NRXN3: variants seen among roughly 807,000 people sequenced by gnomAD.
NRXN3 encodes neurexin 3.
NRXN3 carries 32 observed loss-of-function variants against 137.6 expected under a neutral mutation model. That is an observed-to-expected ratio of 0.23 (90% CI 0.18 to 0.31). NRXN3 has a LOEUF of 0.31. NRXN3 is among the 10% of genes least tolerant of loss of function. The probability of loss-of-function intolerance (pLI) is 1.00; values close to 1 mark genes in which losing one functional copy is unlikely to be tolerated. For synonymous variants in NRXN3, 798 were observed against 784.5 expected (o/e 1.02, Z -0.29); for missense variants, 1,574 against 2,062.5 (o/e 0.76, Z 4.59).
chr14:79,080,955 C>T (rs559420172), intron 15 of NRXN3, among the ~76,000 whole-genome samples: 15 of 152,218 alleles, frequency 9.9e-5, no homozygotes, highest in South Asian at 2.1e-4. Flanking sequence ...CTTATCCCTC[C>T]CCCATTAACT....
At chr14:79,258,087 T>TTAGA (rs1481372472) in intron 15 of NRXN3, among the ~76,000 whole-genome samples, 25 of 152,184 alleles carry the variant, frequency 1.6e-4, no homozygotes, top group Admixed American at 1.6e-3. Flanking sequence ...TCAAGACTGA[T>TTAGA]TAGAGTCTTC....
At chr14:78,869,870 C>A (rs1438255145) in intron 10 of NRXN3, among the ~76,000 whole-genome samples, 1 of 152,130 alleles carries the variant, frequency 6.6e-6, no homozygotes, top group East Asian at 1.9e-4. Context: ...GAATTGTTTG[C>A]AGTGTAGGAG....
intron 4 of NRXN3, among the ~76,000 whole-genome samples, chr14:78,421,263 A>C (rs910634500): frequency 4.7e-4 from 21 of 44,930 alleles, no homozygotes; most frequent in Non-Finnish European, 9.6e-4. Context: ...CTCCATCTCA[A>C]AAAAAAAAAA....
At chr14:79,488,154 A>G (rs2096675060) in intron 16 of NRXN3, among the ~76,000 whole-genome samples, 1 of 152,168 alleles carries the variant, frequency 6.6e-6, no homozygotes, top group African/African-American at 2.4e-5. Context: ...GACCTTACCT[A>G]AAAGAGGTCA....
Position 78,336,629 on chromosome 14 carries a change from T to C in NRXN3, c.757+38769T>C, listed in dbSNP as rs567448713. On this transcript the variant is annotated intron_variant, in intron 4 of 20. Transcript: ENST00000335750. The stretch of plus-strand genomic sequence containing the variant: ...TTAAGTGGACATCCTCTGCTCATTG[T>C]TTGATAGATGAGGAGAGTAAGTGCC... Among the ~76,000 whole-genome samples the C allele has an allele frequency of 8.5e-5, 13 of 152,234 alleles. No homozygotes were observed. The South Asian group carries it at 1.0e-3, about 12-fold the overall frequency.
intron 4 of NRXN3, among the ~76,000 whole-genome samples, chr14:78,443,152 G>T (rs1598737337): frequency 6.6e-6 from 1 of 152,204 alleles, no homozygotes; most frequent in East Asian, 1.9e-4. Flanking sequence ...TTCAAAATGG[G>T]AATATCCTTT....
At chr14:78,314,339 G>A (rs1291304981) in intron 4 of NRXN3, among the ~76,000 whole-genome samples, 3 of 152,202 alleles carry the variant, frequency 2.0e-5, no homozygotes, top group African/African-American at 7.2e-5. Flanking sequence ...CCAAATCACA[G>A]TGGCTTAATG....
At chr14:78,935,654 G>T (rs149428796) in intron 10 of NRXN3, among the ~76,000 whole-genome samples, 1 of 152,174 alleles carries the variant, frequency 6.6e-6, no homozygotes, top group Non-Finnish European at 1.5e-5. Context: ...TCCAGAGCTG[G>T]TCGAATCCAC....
intron 16 of NRXN3, among the ~76,000 whole-genome samples, chr14:79,489,421 G>A (rs1016876294): frequency 1.3e-5 from 2 of 152,062 alleles, no homozygotes; most frequent in African/African-American, 4.8e-5. Flanking sequence ...GGGCCTCAAG[G>A]CACACCTTGC....
At chr14:79,609,437 T>C (rs1230410413) in intron 16 of NRXN3, among the ~76,000 whole-genome samples, 2 of 152,202 alleles carry the variant, frequency 1.3e-5, no homozygotes, top group African/African-American at 2.4e-5. Context: ...AACAAATTGA[T>C]AGATTGATAT....
At chr14:78,633,266 A>AAAAAAAAC (rs2097538534) in intron 4 of NRXN3, among the ~76,000 whole-genome samples, 1 of 151,138 alleles carries the variant, frequency 6.6e-6, no homozygotes, top group Non-Finnish European at 1.5e-5. Flanking sequence ...AAAAAAAAAA[A>AAAAAAAAC]AAGAGACTGG....
At chr14:79,007,532 G>A (rs949434034) in intron 15 of NRXN3, among the ~76,000 whole-genome samples, 2 of 151,628 alleles carry the variant, frequency 1.3e-5, no homozygotes, top group Admixed American at 1.3e-4. Flanking sequence ...AAGTCTGGGC[G>A]TGGTGGCTCA....
chr14:78,860,457 C>T (rs1197230962), intron 10 of NRXN3, among the ~76,000 whole-genome samples: 1 of 152,048 alleles, frequency 6.6e-6, no homozygotes, highest in Non-Finnish European at 1.5e-5. Flanking sequence ...GTAGGAGAGG[C>T]AAGGAGACAT....
chr14:79,190,876 T>G (rs982100080), intron 15 of NRXN3, among the ~76,000 whole-genome samples: 1 of 152,172 alleles, frequency 6.6e-6, no homozygotes, highest in African/African-American at 2.4e-5. Context: ...GTAGCAGAAT[T>G]CTTCAAGGTC....
At chr14:79,501,437 G>T (rs1304298850) in intron 16 of NRXN3, among the ~76,000 whole-genome samples, 1 of 152,072 alleles carries the variant, frequency 6.6e-6, no homozygotes, top group African/African-American at 2.4e-5. Context: ...TCACCAACCT[G>T]ACCTCTGAGG....
chr14:78,238,995 G>A (rs868381737), intron 1 of NRXN3, among the ~76,000 whole-genome samples: 3 of 152,226 alleles, frequency 2.0e-5, no homozygotes, highest in Non-Finnish European at 4.4e-5. Flanking sequence ...TTGCTCATTG[G>A]GGTCATGTGA....
chr14:78,333,199 A>C lies in NRXN3; in HGVS notation c.757+35339A>C, dbSNP rs9989205. The stretch of plus-strand genomic sequence containing the variant: ...ATTGGCAGGGTCTTGGACTCTGGTA[A>C]ATTCTGCAGGCCTAAGGGAGACTGG... On this transcript the variant is annotated intron_variant, in intron 4 of 20. Transcript: ENST00000335750. Among the ~76,000 whole-genome samples the C allele has an allele frequency of 6.2e-3, 938 of 152,296 alleles. 5 individuals are homozygous for C. Among genetic ancestry groups the C allele is most frequent in the African/African-American group, 0.021 (875 of 41,560 alleles).
chr14:79,769,958 G>A (rs1216578844), intron 19 of NRXN3, among the ~76,000 whole-genome samples: 1 of 152,084 alleles, frequency 6.6e-6, no homozygotes, highest in African/African-American at 2.4e-5. Context: ...AACAAAAAAA[G>A]GCAAGGGTTG....
At chr14:78,478,367 A>T (rs2095415897) in intron 4 of NRXN3, among the ~76,000 whole-genome samples, 1 of 152,178 alleles carries the variant, frequency 6.6e-6, no homozygotes, top group Non-Finnish European at 1.5e-5. Flanking sequence ...TTCATGGAGG[A>T]GAAGAAGTTT....
Sources: gnomAD v4.1 joint callset for allele counts (sites outside exome capture counted in the v4.1 genomes callset) on GRCh38, gnomAD v4.1.1 for gene constraint, MANE v1.5 for transcripts, NCBI Gene and HGNC (gene_info 2026-07-23, HGNC 2026-07-21) for gene names.